MAN1A1: variants seen among roughly 807,000 people sequenced by gnomAD.
MAN1A1 encodes mannosyl-oligosaccharide 1,2-alpha-mannosidase IA.
A neutral mutation model predicts 70.8 loss-of-function variants in MAN1A1; 29 were observed. The ratio of observed to expected loss-of-function variants is 0.41; its 90% CI spans 0.31 to 0.56. The LOEUF (loss-of-function observed/expected upper bound fraction) is 0.56. Among genes scored for constraint, MAN1A1 ranks in the 20% least tolerant of loss-of-function variants. The pLI, the probability that MAN1A1 is intolerant of heterozygous loss-of-function variation, is 0.29. For missense variants in MAN1A1, 747 were observed against 841.3 expected, an observed-to-expected ratio of 0.89 and a Z score of 1.39; for synonymous variants, 349 against 330.1, an observed-to-expected ratio of 1.06 and a Z score of -0.62.
chr6:119,213,785 A>G (rs540876268), intron 6 of MAN1A1, among the ~76,000 whole-genome samples: 15 of 152,336 alleles, frequency 9.8e-5, no homozygotes, highest in African/African-American at 3.6e-4. Flanking sequence ...TTTCTAACAT[A>G]TCACGGTAAT....
intron 5 of MAN1A1, among the ~76,000 whole-genome samples, chr6:119,285,336 C>T (rs955253327): frequency 6.6e-6 from 1 of 151,972 alleles, no homozygotes; most frequent in African/African-American, 2.4e-5. Context: ...TCACTCATTA[C>T]CCTGGAGGAA....
chr6:119,284,915 T>TG (rs1010927392), intron 5 of MAN1A1, among the ~76,000 whole-genome samples: 10 of 152,168 alleles, frequency 6.6e-5, no homozygotes, highest in African/African-American at 2.2e-4. Flanking sequence ...GTCTGTTTTG[T>TG]GTCGCTATAA....
chr6:119,317,654 TGAG>T (rs1772890943), intron 2 of MAN1A1, among the ~76,000 whole-genome samples: 1 of 152,174 alleles, frequency 6.6e-6, no homozygotes, highest in Admixed American at 6.5e-5. Context: ...ATTTACCTAT[TGAG>T]GAACATCTTT....
intron 5 of MAN1A1, among the ~76,000 whole-genome samples, chr6:119,250,679 T>C (rs921295051): frequency 4.0e-4 from 60 of 149,610 alleles, no homozygotes; most frequent in African/African-American, 8.9e-4. Flanking sequence ...TGTGTGTGCG[T>C]GTCAGTTACT....
chr6:119,334,528 A>C (rs1773403690), intron 2 of MAN1A1, among the ~76,000 whole-genome samples: 2 of 152,246 alleles, frequency 1.3e-5, no homozygotes, highest in African/African-American at 4.8e-5. Context: ...AAAGGAAGTA[A>C]ACTTTTAGAA....
rs187321178 is a variant in MAN1A1 at position 119,293,433 on chromosome 6, G to C, written c.817-2670C>G. Among the ~76,000 whole-genome samples, 56 of 152,102 alleles carry C rather than the reference G, an allele frequency of 3.7e-4. 1 individual carries two copies. The highest frequency in any genetic ancestry group is 1.2e-3 in the African/African-American group (50 of 41,450). The stretch of plus-strand genomic sequence containing the variant: ...TTTCATGGATCTAATAGTCTGTCCA[G>C]TGAGCCTGTTTAAGAAGCAAATCTG... On this transcript the variant is annotated intron_variant, in intron 4 of 12. Transcript: ENST00000368468.
At chr6:119,288,349 C>A (rs553927518) in intron 5 of MAN1A1, among the ~76,000 whole-genome samples, 1 of 151,846 alleles carries the variant, frequency 6.6e-6, no homozygotes, top group Admixed American at 6.6e-5. Context: ...GTCCTAGACA[C>A]CTTAGTAAAT....
In MAN1A1 at chr6:119,247,211, T is replaced by C. The variant is rs139945660; in HGVS notation, c.992+1049A>G. Among the ~76,000 whole-genome samples, 743 of 152,362 alleles carry C rather than the reference T, an allele frequency of 4.9e-3. 4 individuals are homozygous for C. The highest frequency in any genetic ancestry group is 0.017 in the African/African-American group (702 of 41,584). ...TTGCCAAACCATGCTATGCATTCTC[T>C]TGGTGTTTCTAAACCAGAAAGCTGT... On this transcript the variant is annotated intron_variant, in intron 6 of 12. Coordinates refer to ENST00000368468, the MANE Select transcript of MAN1A1 (RefSeq NM_005907.4).
chr6:119,291,232 T>C (rs1776535066), intron 4 of MAN1A1, among the ~76,000 whole-genome samples: 1 of 151,994 alleles, frequency 6.6e-6, no homozygotes, highest in South Asian at 2.1e-4. Flanking sequence ...AAGCTCTTTC[T>C]CTCTTTGCCT....
intron 4 of MAN1A1, among the ~76,000 whole-genome samples, chr6:119,297,442 G>A (rs1772245878): frequency 6.6e-6 from 1 of 152,092 alleles, no homozygotes; most frequent in South Asian, 2.1e-4. Context: ...AAGATGACAT[G>A]CCTAACCTCA....
chr6:119,307,087 A>G, intron 2 of MAN1A1, 95 bp from the exon 3 acceptor site: 1 of 782,436 alleles, frequency 1.3e-6, no homozygotes, highest in Non-Finnish European at 2.1e-6. Flanking sequence ...TAAAACATTA[A>G]AATTCATTAG....
chr6:119,249,818 T>C (rs996486383), intron 5 of MAN1A1, among the ~76,000 whole-genome samples: 1 of 152,170 alleles, frequency 6.6e-6, no homozygotes, highest in Non-Finnish European at 1.5e-5. Flanking sequence ...AAAAAAATTT[T>C]TTTTAAATTT....
intron 6 of MAN1A1, among the ~76,000 whole-genome samples, chr6:119,226,451 A>G (rs1774517015): frequency 1.3e-5 from 2 of 152,152 alleles, no homozygotes; most frequent in Non-Finnish European, 2.9e-5. Context: ...AAACATCATT[A>G]TTGTGGACAG....
chr6:119,273,714 A>G (rs954938818), intron 5 of MAN1A1, among the ~76,000 whole-genome samples: 1 of 152,124 alleles, frequency 6.6e-6, no homozygotes, highest in Non-Finnish European at 1.5e-5. Flanking sequence ...ATCATATTAC[A>G]TTCCCAACAG....
At chr6:119,273,866 T>C (rs1234948783) in intron 5 of MAN1A1, among the ~76,000 whole-genome samples, 1 of 152,114 alleles carries the variant, frequency 6.6e-6, no homozygotes, top group African/African-American at 2.4e-5. Flanking sequence ...ATTCATAAAG[T>C]GGGTAAATGC....
At chr6:119,206,165 G>A (rs1265137269) in intron 6 of MAN1A1, among the ~76,000 whole-genome samples, 1 of 152,172 alleles carries the variant, frequency 6.6e-6, no homozygotes, top group Admixed American at 6.5e-5. Flanking sequence ...GGAACCAGAG[G>A]CAGCTGTTAC....
At chr6:119,236,129 C>T (rs1171291135) in intron 6 of MAN1A1, among the ~76,000 whole-genome samples, 83 of 73,410 alleles carry the variant, frequency 1.1e-3, no homozygotes, top group African/African-American at 4.2e-3. Flanking sequence ...AGCAAGACTC[C>T]GTCTAAAAAA....
intron 8 of MAN1A1, 101 bp from the exon 9 acceptor site, chr6:119,193,993 C>T (rs17442140): frequency 0.054 from 34,957 of 641,922 alleles, 1,073 homozygotes; most frequent in East Asian, 0.089. Context: ...ATGTCAACTG[C>T]AAGTCACTGT....
At chr6:119,207,948 TA>T (rs1292430932) in intron 6 of MAN1A1, among the ~76,000 whole-genome samples, 1 of 152,208 alleles carries the variant, frequency 6.6e-6, no homozygotes, top group African/African-American at 2.4e-5. Context: ...GACAGTATTT[TA>T]AAGACAGCTA....
Sources: gnomAD v4.1 joint callset for allele counts (sites outside exome capture counted in the v4.1 genomes callset) on GRCh38, gnomAD v4.1.1 for gene constraint, MANE v1.5 for transcripts, NCBI Gene and HGNC (gene_info 2026-07-23, HGNC 2026-07-21) for gene names.